Variants in LYPD6B observed in about 807,000 individuals in gnomAD.
LYPD6B encodes LY6/PLAUR domain containing 6B, also known as ly6/PLAUR domain-containing protein 6B.
In LYPD6B, 17 loss-of-function variants were observed where a neutral mutation model predicts 22.8. That is an observed-to-expected ratio of 0.75 (90% CI 0.51 to 1.12). LYPD6B has a LOEUF of 1.12. Ranked by LOEUF, LYPD6B falls within the 50% of genes most tolerant of loss-of-function variation. The pLI is 0.00. For synonymous variants in LYPD6B, 106 were observed against 91.6 expected, an observed-to-expected ratio of 1.16 and a Z score of -0.90; for missense variants, 221 against 258.3, an observed-to-expected ratio of 0.86 and a Z score of 0.99.
intron 3 of LYPD6B, among the ~76,000 whole-genome samples, chr2:149,204,244 T>C (rs1316736350): frequency 3.3e-5 from 5 of 152,172 alleles, no homozygotes; most frequent in Non-Finnish European, 7.4e-5. Context: ...TTGAGGTTAA[T>C]AGAGTTTCAA....
At chr2:149,057,239 T>C (rs1683846188) in intron 1 of LYPD6B, among the ~76,000 whole-genome samples, 1 of 152,126 alleles carries the variant, frequency 6.6e-6, no homozygotes, top group South Asian at 2.1e-4. Context: ...TAACATCAGG[T>C]TACTTTTTAT....
intron 1 of LYPD6B, among the ~76,000 whole-genome samples, chr2:149,050,515 C>T (rs112826353): frequency 0.011 from 1,710 of 152,060 alleles, 22 homozygotes; most frequent in Middle Eastern, 0.044. Flanking sequence ...AGTACATTAC[C>T]GAAAAAATAG....
At chr2:149,161,835 A>G (rs1170129345) in intron 3 of LYPD6B, among the ~76,000 whole-genome samples, 1 of 152,232 alleles carries the variant, frequency 6.6e-6, no homozygotes, top group African/African-American at 2.4e-5. Context: ...AATGATAATT[A>G]TATGTTTCAA....
chr2:149,145,575 G>C (rs1424055253), intron 2 of LYPD6B, among the ~76,000 whole-genome samples: 1 of 152,188 alleles, frequency 6.6e-6, no homozygotes, highest in East Asian at 1.9e-4. Flanking sequence ...AGGGTCACAA[G>C]GAAGGGCCAC....
intron 1 of LYPD6B, among the ~76,000 whole-genome samples, chr2:149,079,213 T>C (rs1182770665): frequency 6.6e-6 from 1 of 152,120 alleles, no homozygotes; most frequent in African/African-American, 2.4e-5. Context: ...TTTGGACTGG[T>C]ATCCAGCTTA....
In LYPD6B at chr2:149,087,091, G is replaced by C. The variant is rs117948422; in HGVS notation, c.-66-43792G>C. On this transcript the variant is annotated intron_variant, in intron 1 of 6. Coordinates refer to ENST00000409642, the MANE Select transcript of LYPD6B (RefSeq NM_177964.5). ...ATTAGGACTTCAACATGTGAATTTT[G>C]GGGGCATACAATCAGCTCATAACAG... is the stretch of plus-strand genomic sequence containing the variant. Among the ~76,000 whole-genome samples the C allele has an allele frequency of 1.4e-4, 22 of 151,792 alleles. No individual in the cohort carries two copies. The East Asian group carries it at 4.1e-3, about 28-fold the overall frequency.
intron 1 of LYPD6B, among the ~76,000 whole-genome samples, chr2:149,051,024 T>G (rs542259508): frequency 6.6e-5 from 10 of 151,942 alleles, no homozygotes; most frequent in Admixed American, 2.6e-4. Flanking sequence ...TCATTATAAT[T>G]TATTCTAAAC....
In LYPD6B at chr2:149,180,282, A is replaced by G. The variant is rs574947593; in HGVS notation, c.77+19447A>G. Among the ~76,000 whole-genome samples, 6 of 152,286 alleles carry G rather than the reference A, an allele frequency of 3.9e-5. No individual in the cohort carries two copies. The East Asian group carries it at 1.2e-3, about 29-fold the overall frequency. The stretch of plus-strand genomic sequence containing the variant: ...CCCTAAACTTCCTGATTCAGCGGGC[A>G]GTGAAGGAGCTGGTACAATGTTATA... On this transcript the variant is annotated intron_variant, in intron 3 of 6. Coordinates refer to ENST00000409642, the MANE Select transcript of LYPD6B (RefSeq NM_177964.5).
At chr2:149,060,341 T>G (rs551367422) in intron 1 of LYPD6B, among the ~76,000 whole-genome samples, 53 of 152,198 alleles carry the variant, frequency 3.5e-4, no homozygotes, top group Non-Finnish European at 6.9e-4. Context: ...CCTATCTGTC[T>G]TGTAGGGTTG....
At chr2:149,092,129 G>T (rs1312229812) in intron 1 of LYPD6B, among the ~76,000 whole-genome samples, 2 of 152,014 alleles carry the variant, frequency 1.3e-5, no homozygotes, top group Non-Finnish European at 2.9e-5. Flanking sequence ...TATGTGTCAG[G>T]GCGGAGAGTG....
chr2:149,158,682 T>G (rs1022883498), intron 2 of LYPD6B, among the ~76,000 whole-genome samples: 20 of 152,242 alleles, frequency 1.3e-4, no homozygotes, highest in Admixed American at 1.0e-3. Context: ...AACTTTTCAT[T>G]ATGCTCGTTT....
chr2:149,189,351 T>TATATATATATAC (rs1559066203), intron 3 of LYPD6B, among the ~76,000 whole-genome samples: 6 of 91,158 alleles, frequency 6.6e-5, no homozygotes, highest in Non-Finnish European at 1.5e-4. Flanking sequence ...ATTATATATA[T>TATATATATATAC]ATATATATAT....
intron 3 of LYPD6B, among the ~76,000 whole-genome samples, chr2:149,192,384 A>G (rs1279107004): frequency 6.6e-6 from 1 of 150,794 alleles, no homozygotes; most frequent in Non-Finnish European, 1.5e-5. Flanking sequence ...AACTTATTGT[A>G]GGAAAGACAT....
intron 2 of LYPD6B, among the ~76,000 whole-genome samples, chr2:149,139,827 T>C (rs1052520590): frequency 6.6e-6 from 1 of 152,194 alleles, no homozygotes; most frequent in Non-Finnish European, 1.5e-5. Flanking sequence ...AGATAGGTAA[T>C]ATGGACATAG....
rs140785831 is a variant in LYPD6B, at chr2:149,210,771, T to A, written c.329-2221T>A. Among the ~76,000 whole-genome samples, 103 of 152,348 alleles carry A rather than the reference T, an allele frequency of 6.8e-4. 1 individual carries two copies. The highest frequency in any genetic ancestry group is 2.5e-3 in the African/African-American group (102 of 41,588). On this transcript the variant is annotated intron_variant, in intron 5 of 6. Coordinates refer to ENST00000409642, the MANE Select transcript of LYPD6B (RefSeq NM_177964.5). The stretch of plus-strand genomic sequence containing the variant: ...CATGCAGCCACCAGTTTTCGATTCT[T>A]CTTTGTTTAGAGTGGAAATTGAAAT...
intron 1 of LYPD6B, chr2:149,068,611 T>A (rs1381591645): frequency 2.1e-6 from 1 of 470,602 alleles, no homozygotes; most frequent in Non-Finnish European, 4.4e-6. Flanking sequence ...TCATTAGTGG[T>A]GGCTTCAAGA....
intron 1 of LYPD6B, among the ~76,000 whole-genome samples, chr2:149,044,207 T>C (rs1324282237): frequency 6.6e-6 from 1 of 152,112 alleles, no homozygotes; most frequent in Non-Finnish European, 1.5e-5. Flanking sequence ...AATCTACAGA[T>C]TAATTTAGGA....
At chr2:149,071,018 T>C (rs1295358098) in intron 1 of LYPD6B, among the ~76,000 whole-genome samples, 1 of 152,202 alleles carries the variant, frequency 6.6e-6, no homozygotes, top group Admixed American at 6.5e-5. Context: ...ACTTATCATT[T>C]AGTTCCACAC....
At chr2:149,094,668 A>G (rs1685821024) in intron 1 of LYPD6B, among the ~76,000 whole-genome samples, 1 of 152,254 alleles carries the variant, frequency 6.6e-6, no homozygotes, top group African/African-American at 2.4e-5. Flanking sequence ...TACTTTAAAA[A>G]TATTTAAAAC....
Sources: allele counts gnomAD v4.1 joint callset (sites outside exome capture counted in the v4.1 genomes callset), GRCh38; gene constraint gnomAD v4.1.1; transcripts MANE v1.5; gene names NCBI Gene and HGNC (gene_info 2026-07-23, HGNC 2026-07-21).